Variants in SESTD1 observed in about 807,000 individuals in gnomAD.
SESTD1 encodes SEC14 domain and spectrin repeat-containing protein 1.
A neutral mutation model predicts 101.7 loss-of-function variants in SESTD1; 43 were observed. The observed-to-expected ratio is 0.42, with a 90% CI of 0.33 to 0.55. The LOEUF is 0.55. Among genes scored for constraint, SESTD1 ranks in the 20% least tolerant of loss-of-function variants. The pLI, the probability that SESTD1 is intolerant of heterozygous loss-of-function variation, is 0.07. For synonymous variants in SESTD1, 283 were observed against 286.8 expected, an observed-to-expected ratio of 0.99 and a Z score of 0.13; for missense variants, 647 against 815.1, an observed-to-expected ratio of 0.79 and a Z score of 2.51.
At chr2:179,164,349 T>C (rs1372248893) in intron 5 of SESTD1, among the ~76,000 whole-genome samples, 2 of 152,110 alleles carry the variant, frequency 1.3e-5, no homozygotes, top group Non-Finnish European at 2.9e-5. Context: ...AATAAAGCAA[T>C]TTAGAATGGG....
Position 179,146,461 on chromosome 2 carries a change from GA to G in SESTD1, c.582-5del. Reference sequence around the variant, plus strand: ...AAGAAAGTTTAAATCCACAGACCTGGAAAACACCAAAGGAGTAATTTTCAAA... The same window carrying G: ...AAGAAAGTTTAAATCCACAGACCTGGAAACACCAAAGGAGTAATTTTCAAA... On this transcript the variant is annotated splice_region_variant and splice_polypyrimidine_tract_variant and intron_variant, in intron 7 of 17. Transcript: ENST00000428443. The G allele has an allele frequency of 1.2e-6, 2 of 1,610,952 alleles. No individual in the cohort carries two copies. The highest frequency in any genetic ancestry group is 1.7e-6 in the Non-Finnish European group (2 of 1,178,736).
chr2:179,238,121 G>C (rs996462711), intron 1 of SESTD1, among the ~76,000 whole-genome samples: 2 of 152,054 alleles, frequency 1.3e-5, no homozygotes, highest in Non-Finnish European at 2.9e-5. Flanking sequence ...ATCAAAAGAA[G>C]AGAACATATA....
intron 9 of SESTD1, among the ~76,000 whole-genome samples, chr2:179,140,244 T>C (rs2045246738): frequency 6.6e-6 from 1 of 152,190 alleles, no homozygotes; most frequent in Non-Finnish European, 1.5e-5. Context: ...AATACATCTG[T>C]TGAAGTACTG....
chr2:179,159,145 C>T (rs1030850483), intron 5 of SESTD1, among the ~76,000 whole-genome samples: 2 of 152,094 alleles, frequency 1.3e-5, no homozygotes, highest in African/African-American at 2.4e-5. Flanking sequence ...ATACGCTTTT[C>T]GCCTAACAAT....
intron 1 of SESTD1, among the ~76,000 whole-genome samples, chr2:179,198,362 T>G (rs1413376949): frequency 6.6e-6 from 1 of 152,106 alleles, no homozygotes; most frequent in Admixed American, 6.5e-5. Context: ...AATGGGAGAC[T>G]TTAACACCCC....
chr2:179,161,966 A>G (rs1354975965), intron 5 of SESTD1, among the ~76,000 whole-genome samples: 2 of 152,212 alleles, frequency 1.3e-5, no homozygotes, highest in Non-Finnish European at 2.9e-5. Flanking sequence ...TTGATATGCT[A>G]CATAACAATT....
At position 179,191,783 on chromosome 2, in the gene SESTD1, A is replaced by G; in HGVS notation, c.55+4T>C. ...ACACTTCAAATTTTAAGAAGAAATC[A>G]TACCTGAAAGGAAGGCTAGTTTTTT... On this transcript the variant is annotated splice_donor_region_variant and intron_variant, in intron 2 of 17. Transcript: ENST00000428443. The G allele has an allele frequency of 6.2e-7, 1 of 1,611,398 alleles. No individual in the cohort carries two copies. The highest frequency in any genetic ancestry group is 8.5e-7 in the Non-Finnish European group (1 of 1,178,358).
intron 8 of SESTD1, among the ~76,000 whole-genome samples, chr2:179,145,010 A>C (rs1353844981): frequency 6.6e-6 from 1 of 152,138 alleles, no homozygotes; most frequent in Non-Finnish European, 1.5e-5. Context: ...TTTGTTCTCT[A>C]ACAAAATAAG....
Position 179,115,174 on chromosome 2 carries a change from C to T in SESTD1, c.1730G>A (p.Gly577Glu). 2 of 1,613,832 alleles carry T rather than the reference C, an allele frequency of 1.2e-6. No homozygotes were observed. The highest frequency in any genetic ancestry group is 1.7e-6 in the Non-Finnish European group (2 of 1,179,908). The change falls in exon 16 of 18, where the codon GGG becomes GAG. Residue 577 changes from glycine to glutamate, a missense_variant. Physicochemically the swap from Gly to Glu is moderately conservative, Grantham distance 98. Transcript: ENST00000428443. ...TCTGTTCAGTCGAGGAAGTGTATCC[C>T]CAGATGACCGAGAAGTGCAGCGCAA... ...QSLRCTSRSS[G>E]DTLPRLNRVW...
At chr2:179,150,925 GC>G (rs900968001) in intron 6 of SESTD1, among the ~76,000 whole-genome samples, 12 of 152,170 alleles carry the variant, frequency 7.9e-5, no homozygotes, top group African/African-American at 2.9e-4. Context: ...CTTATACAGT[GC>G]CACTATATCA....
chr2:179,139,384 C>T (rs189747646), intron 9 of SESTD1, among the ~76,000 whole-genome samples: 8 of 152,172 alleles, frequency 5.3e-5, no homozygotes, highest in African/African-American at 1.7e-4. Flanking sequence ...CATCTAAAAC[C>T]GCCCCTATAA....
intron 1 of SESTD1, among the ~76,000 whole-genome samples, chr2:179,251,060 T>A (rs6710986): frequency 0.093 from 14,105 of 152,024 alleles, 2,123 homozygotes; most frequent in African/African-American, 0.32. Context: ...CTGTGGTACA[T>A]CCATACCACA....
At chr2:179,241,616 T>A (rs926457242) in intron 1 of SESTD1, among the ~76,000 whole-genome samples, 2 of 85,938 alleles carry the variant, frequency 2.3e-5, no homozygotes, top group African/African-American at 9.1e-5. Flanking sequence ...ATAGCAAGAC[T>A]CTCATCTTTA....
rs563178346 is a variant in SESTD1, at chr2:179,149,283, C to T, written c.581+14G>A. 1 of 1,586,732 alleles carries T rather than the reference C, an allele frequency of 6.3e-7. No homozygotes were observed. Among genetic ancestry groups the T allele is most frequent in the African/African-American group, 1.3e-5 (1 of 74,168 alleles). ...GTTTTGCAAGGATATAATTGCATGC[C>T]ACTAGCCACCTACCTTTCTTTCTCT... is the stretch of plus-strand genomic sequence containing the variant. On this transcript the variant is annotated intron_variant, in intron 7 of 17. Coordinates refer to ENST00000428443, the MANE Select transcript of SESTD1 (RefSeq NM_178123.5).
At position 179,206,161 on chromosome 2, in the gene SESTD1, G is replaced by A. The variant is rs1054023207; in HGVS notation, c.-25-14295C>T. 5.2e-5 allele frequency among the ~76,000 whole-genome samples: 7 copies of A among 135,214 alleles called. 3 individuals are homozygous for A. The highest frequency in any genetic ancestry group is 1.8e-4 in the African/African-American group (6 of 34,226). The allele number at this position is 135,214 out of a possible 152,430, so 88.7% of individuals were successfully genotyped here. A position where few individuals can be genotyped will look rare whatever the true frequency, so the allele number is the denominator to read the frequency against. ...ATGGCAAATAGGAGACAGGACTAAC[G>A]TGCAGCTCCCACTTGGACAGACAGT... On this transcript the variant is annotated intron_variant, in intron 1 of 17. Transcript: ENST00000428443.
intron 1 of SESTD1, among the ~76,000 whole-genome samples, chr2:179,223,736 A>C (rs910915958): frequency 2.6e-5 from 4 of 152,160 alleles, no homozygotes; most frequent in African/African-American, 9.7e-5. Flanking sequence ...TAAAAGACTA[A>C]ATGGATTAAA....
At chr2:179,259,295 G>T (rs1041509677) in intron 1 of SESTD1, among the ~76,000 whole-genome samples, 1 of 152,032 alleles carries the variant, frequency 6.6e-6, no homozygotes. Flanking sequence ...GCAGTGGCGC[G>T]ATCTCGGCTC....
intron 6 of SESTD1, among the ~76,000 whole-genome samples, chr2:179,150,167 G>A (rs140944396): frequency 1.3e-3 from 203 of 152,296 alleles, no homozygotes; most frequent in African/African-American, 4.6e-3. Flanking sequence ...AAAGGTTGCA[G>A]TGTGTGGTGA....
intron 5 of SESTD1, among the ~76,000 whole-genome samples, chr2:179,159,869 T>C (rs1001650570): frequency 1.3e-5 from 2 of 152,148 alleles, no homozygotes; most frequent in Non-Finnish European, 2.9e-5. Flanking sequence ...GAAAAAAAAT[T>C]TTTTTTGAGA....
Sources: gnomAD v4.1 joint callset for allele counts (sites outside exome capture counted in the v4.1 genomes callset) on GRCh38, gnomAD v4.1.1 for gene constraint, MANE v1.5 for transcripts, NCBI Gene and HGNC (gene_info 2026-07-23, HGNC 2026-07-21) for gene names.